LTBP1: variants seen among roughly 807,000 people sequenced by gnomAD.
The protein encoded by LTBP1 is latent-transforming growth factor beta-binding protein 1.
In LTBP1, 129 loss-of-function variants were observed where a neutral mutation model predicts 207.6. The observed-to-expected ratio is 0.62, with a 90% confidence interval of 0.54 to 0.72. The LOEUF (loss-of-function observed/expected upper bound fraction) is 0.72, where lower values mean the gene tolerates loss of function less well. Ranked by LOEUF, LTBP1 falls within the 30% of genes least tolerant of loss-of-function variation. The probability of loss-of-function intolerance (pLI) is 0.00; values close to 1 mark genes in which losing one functional copy is unlikely to be tolerated. For missense variants in LTBP1, 2,281 were observed against 2,217.2 expected (o/e 1.03, Z -0.58); for synonymous variants, 963 against 833.7 (o/e 1.16, Z -2.67).
At chr2:32,972,800 C>G (rs1681113624) in intron 2 of LTBP1, among the ~76,000 whole-genome samples, 2 of 152,148 alleles carry the variant, frequency 1.3e-5, no homozygotes, top group South Asian at 2.1e-4. Flanking sequence ...TGCCTTGCTT[C>G]CCCTTCACTT....
rs1453095984 is a variant in LTBP1, at chr2:33,019,216, A to C, written c.566-1693A>C. ...TTTATGTAAAAGGTGAGCTGACAGC[A>C]ACAGGGCAGCATAGTAAATGTATTT... On this transcript the variant is annotated intron_variant, in intron 2 of 33. Coordinates refer to ENST00000404816, the MANE Select transcript of LTBP1 (RefSeq NM_206943.4). 3.9e-5 allele frequency among the ~76,000 whole-genome samples: 6 copies of C among 152,262 alleles called. No homozygotes were observed. The East Asian group carries it at 1.2e-3, about 29-fold the overall frequency.
At chr2:33,370,352 A>C (rs1313940114) in intron 31 of LTBP1, among the ~76,000 whole-genome samples, 1 of 152,236 alleles carries the variant, frequency 6.6e-6, no homozygotes, top group Non-Finnish European at 1.5e-5. Flanking sequence ...TTTCTAGACC[A>C]CTGCTTCGTA....
At chr2:33,235,606 A>G (rs1015126083) in intron 9 of LTBP1, among the ~76,000 whole-genome samples, 5 of 152,240 alleles carry the variant, frequency 3.3e-5, no homozygotes, top group African/African-American at 1.2e-4. Context: ...ATGCACACAT[A>G]TGTTTATTGC....
chr2:33,083,606 A>G (rs72869694), intron 3 of LTBP1, among the ~76,000 whole-genome samples: 1 of 152,180 alleles, frequency 6.6e-6, no homozygotes, highest in Admixed American at 6.5e-5. Flanking sequence ...CTGGTGCTGC[A>G]GTAGGTCCTT....
At chr2:33,110,543 C>A in intron 3 of LTBP1, 39 bp from the exon 4 acceptor site, 1 of 1,569,084 alleles carries the variant, frequency 6.4e-7, no homozygotes, top group Non-Finnish European at 8.7e-7. Flanking sequence ...TTTAAAAGCC[C>A]ATTATTTAAT....
At position 32,947,642 on chromosome 2, in the gene LTBP1, G is replaced by C; in HGVS notation, c.318G>C (p.Pro106=). The C allele has an allele frequency of 2.2e-6, 3 of 1,378,410 alleles. No homozygotes were observed. Among genetic ancestry groups the C allele is most frequent in the Non-Finnish European group, 2.8e-6 (3 of 1,066,220 alleles). The allele number at this position is 1,378,410 out of a possible 1,614,324, so 85.4% of individuals were successfully genotyped here. Reference sequence around the variant, plus strand: ...TCAGACCGCCGCCGCCGCCGCCGCCGGAGCCTGCGCGTCCCGCGGTCCCCG... The same window carrying C: ...TCAGACCGCCGCCGCCGCCGCCGCCCGAGCCTGCGCGTCCCGCGGTCCCCG... ...QGLRPPPPPP[P]EPARPAVPGG... The change falls in exon 1 of 34, where the codon CCG becomes CCC. Residue 106 remains proline, a synonymous_variant. Transcript: ENST00000404816.
chr2:33,082,306 A>C (rs9678178), intron 3 of LTBP1, among the ~76,000 whole-genome samples: 13,925 of 152,144 alleles, frequency 0.092, 680 homozygotes, highest in Middle Eastern at 0.13. Flanking sequence ...TGAGCCAGTC[A>C]ATTTCTGCTC....
At position 33,134,969 on chromosome 2, in the gene LTBP1, C is replaced by T. The variant is rs765610832; in HGVS notation, c.1201+9C>T. 6.2e-7 allele frequency: 1 copy of T among 1,602,680 alleles called. No individual in the cohort carries two copies. Among genetic ancestry groups the T allele is most frequent in the Non-Finnish European group, 8.5e-7 (1 of 1,174,494 alleles). ...CACGAACTTCCGAGTGGGTGAGTTC[C>T]TCCACGGTCCCTAACTGTCCTTACT... is the stretch of plus-strand genomic sequence containing the variant. On this transcript the variant is annotated intron_variant, in intron 5 of 33. Coordinates refer to ENST00000404816, the MANE Select transcript of LTBP1 (RefSeq NM_206943.4). The surrounding 1 kb of genome is among the most constrained non-coding windows in gnomAD (Gnocchi z 4.4).
chr2:32,949,069 C>A, intron 2 of LTBP1, 124 bp downstream of exon 2: 1 of 897,858 alleles, frequency 1.1e-6, no homozygotes, highest in Non-Finnish European at 1.8e-6. Context: ...AAATACAATC[C>A]ACCCAGGCTT....
chr2:33,385,813 A>T (rs1435078195), intron 31 of LTBP1, among the ~76,000 whole-genome samples: 2 of 152,190 alleles, frequency 1.3e-5, no homozygotes, highest in Non-Finnish European at 2.9e-5. Flanking sequence ...TTTCCTGGTG[A>T]TGACGGGACT....
chr2:33,005,327 T>C (rs1322938722), intron 2 of LTBP1, among the ~76,000 whole-genome samples: 1 of 152,158 alleles, frequency 6.6e-6, no homozygotes, highest in African/African-American at 2.4e-5. Context: ...CACACTCATA[T>C]CACTGGCAAG....
intron 3 of LTBP1, chr2:33,056,513 T>C: frequency 1.4e-6 from 1 of 722,842 alleles, no homozygotes; most frequent in East Asian, 3.1e-5. Flanking sequence ...TGTCCCTTCG[T>C]GGTTGCAAAA....
rs372754292 is a variant in LTBP1, at chr2:33,389,131, GGCAGGT to G, written c.4712-50_4712-45del. The G allele has an allele frequency of 4.3e-4, 689 of 1,610,836 alleles. 1 individual carries two copies. The African/African-American group carries it at 7.9e-3, about 19-fold the overall frequency. Reference sequence around the variant, plus strand: ...GTTGCTCTGAGCTGCGAGGGGGTGGGGCAGGTGCGAGCTAACAGTGGTGGGGCCTCA... The same window carrying G: ...GTTGCTCTGAGCTGCGAGGGGGTGGGGCGAGCTAACAGTGGTGGGGCCTCA... On this transcript the variant is annotated intron_variant, in intron 31 of 33. Transcript: ENST00000404816.
chr2:33,031,551 A>T (rs931136227), intron 3 of LTBP1, among the ~76,000 whole-genome samples: 9 of 152,250 alleles, frequency 5.9e-5, no homozygotes, highest in African/African-American at 2.2e-4. Flanking sequence ...TGTGGTGCAT[A>T]GTATAAATTC....
At chr2:33,046,486 C>T (rs2076451589) in intron 3 of LTBP1, among the ~76,000 whole-genome samples, 1 of 152,138 alleles carries the variant, frequency 6.6e-6, no homozygotes, top group African/African-American at 2.4e-5. Context: ...GGTGGATAAG[C>T]TTTTTGATGT....
chr2:33,297,653 T>C (rs970069382), intron 20 of LTBP1, among the ~76,000 whole-genome samples: 1 of 152,034 alleles, frequency 6.6e-6, no homozygotes, highest in Non-Finnish European at 1.5e-5. Context: ...AATGGTCTCC[T>C]GACCTTGTGA....
intron 24 of LTBP1, among the ~76,000 whole-genome samples, chr2:33,315,989 A>C (rs944911119): frequency 6.6e-6 from 1 of 152,230 alleles, no homozygotes; most frequent in Non-Finnish European, 1.5e-5. Context: ...CTGTGAACAG[A>C]TCTTCTAGAA....
chr2:33,346,690 A>T (rs1430068902), intron 25 of LTBP1, among the ~76,000 whole-genome samples: 1 of 151,920 alleles, frequency 6.6e-6, no homozygotes, highest in Non-Finnish European at 1.5e-5. Context: ...GTCTCAAAAA[A>T]AAAAAAGAAC....
chr2:33,187,618 T>C (rs1321075954), intron 6 of LTBP1, among the ~76,000 whole-genome samples: 1 of 152,218 alleles, frequency 6.6e-6, no homozygotes, highest in Admixed American at 6.5e-5. Context: ...TTTTTATAAA[T>C]GCACACTTTT....
Sources: gnomAD v4.1 joint callset for allele counts (sites outside exome capture counted in the v4.1 genomes callset) on GRCh38, gnomAD v4.1.1 for gene constraint, Gnocchi (gnomAD v3.1) non-coding constraint, MANE v1.5 for transcripts, NCBI Gene and HGNC (gene_info 2026-07-23, HGNC 2026-07-21) for gene names.